Variants in RAPGEF5 observed in about 807,000 individuals in gnomAD.
The protein encoded by RAPGEF5 is M-Ras-regulated GEF.
Under a neutral mutation model 125.2 loss-of-function variants are expected in RAPGEF5, and 65 were observed. That is an observed-to-expected ratio of 0.52 (90% confidence interval 0.43 to 0.64). The LOEUF (loss-of-function observed/expected upper bound fraction) is 0.64, where lower values mean the gene tolerates loss of function less well. RAPGEF5 is among the 30% of genes least tolerant of loss of function. The pLI is 0.00. For missense variants in RAPGEF5, 958 were observed against 1,048.1 expected, an observed-to-expected ratio of 0.91 and a Z score of 1.19; for synonymous variants, 391 against 385.9, an observed-to-expected ratio of 1.01 and a Z score of -0.16.
At chr7:22,305,996 A>G (rs1783329528) in intron 5 of RAPGEF5, among the ~76,000 whole-genome samples, 2 of 152,208 alleles carry the variant, frequency 1.3e-5, no homozygotes, top group African/African-American at 4.8e-5. Flanking sequence ...GCTGTTGTGG[A>G]CAGTGATGCA....
At chr7:22,302,406 G>C (rs780732583) in intron 5 of RAPGEF5, among the ~76,000 whole-genome samples, 1 of 152,154 alleles carries the variant, frequency 6.6e-6, no homozygotes, top group Non-Finnish European at 1.5e-5. Context: ...AATCAGCCAG[G>C]CAGGACCACC....
chr7:22,317,868 C>A, intron 2 of RAPGEF5, 119 bp downstream of exon 2: 1 of 1,331,440 alleles, frequency 7.5e-7, no homozygotes, highest in Non-Finnish European at 1.0e-6. Flanking sequence ...ATCACTGCAG[C>A]ATCCCTGCAA....
At chr7:22,185,103 T>C (rs1361698465) in intron 11 of RAPGEF5, among the ~76,000 whole-genome samples, 1 of 152,216 alleles carries the variant, frequency 6.6e-6, no homozygotes, top group African/African-American at 2.4e-5. Context: ...TGTAGATTTT[T>C]ACTTCAATTA....
intron 7 of RAPGEF5, among the ~76,000 whole-genome samples, chr7:22,242,403 G>A (rs931952945): frequency 6.6e-6 from 1 of 152,194 alleles, no homozygotes; most frequent in Non-Finnish European, 1.5e-5. Flanking sequence ...GCAAAGGTCT[G>A]GATGGAGCAT....
intron 21 of RAPGEF5, among the ~76,000 whole-genome samples, chr7:22,137,405 G>A (rs1053733028): frequency 6.6e-6 from 1 of 152,196 alleles, no homozygotes; most frequent in Non-Finnish European, 1.5e-5. Context: ...GGGCTAAATA[G>A]TGAAGGGCCA....
chr7:22,325,636 G>A lies in RAPGEF5; in HGVS notation c.232-7599C>T, dbSNP rs141372452. Among the ~76,000 whole-genome samples, 61 of 152,270 alleles carry A rather than the reference G, an allele frequency of 4.0e-4. 1 individual carries two copies. In the East Asian group the frequency reaches 0.011, roughly 28 times the overall value. On this transcript the variant is annotated intron_variant, in intron 1 of 25. Coordinates refer to ENST00000665637, the MANE Select transcript of RAPGEF5 (RefSeq NM_012294.5). ...GCTGGAGTGCAGTGGCACAATCATG[G>A]CTCACTGCAGCCTTTATTTCCCAGA...
At chr7:22,238,943 T>C (rs918755469) in intron 7 of RAPGEF5, among the ~76,000 whole-genome samples, 1 of 152,092 alleles carries the variant, frequency 6.6e-6, no homozygotes, top group Non-Finnish European at 1.5e-5. Flanking sequence ...TTAAATAGCC[T>C]AAAATAAATT....
At chr7:22,351,243 G>A (rs77562581) in intron 1 of RAPGEF5, among the ~76,000 whole-genome samples, 19,502 of 151,998 alleles carry the variant, frequency 0.13, 1,417 homozygotes, top group Admixed American at 0.18. Context: ...GTTACCTTTC[G>A]CCTATAACCA....
rs1004917623 is a variant in RAPGEF5, at chr7:22,174,323, T to C, written c.1205-7175A>G. On this transcript the variant is annotated intron_variant, in intron 11 of 25. Coordinates refer to ENST00000665637, the MANE Select transcript of RAPGEF5 (RefSeq NM_012294.5). ...CAACGGATGTGGGTGGGTCTGTGGCTGAGTCACAAACCTGTGGTCTTGTGA... is the reference window on the plus strand; with the variant it reads ...CAACGGATGTGGGTGGGTCTGTGGCCGAGTCACAAACCTGTGGTCTTGTGA... Among the ~76,000 whole-genome samples the C allele has an allele frequency of 2.0e-5, 3 of 152,204 alleles. No individual in the cohort carries two copies. In the South Asian group the frequency reaches 6.2e-4, roughly 31 times the overall value.
chr7:22,226,074 C>T (rs528778966), intron 8 of RAPGEF5, among the ~76,000 whole-genome samples: 56 of 152,250 alleles, frequency 3.7e-4, no homozygotes, highest in African/African-American at 1.3e-3. Context: ...TGTATTAAAA[C>T]ATTCTCTGCA....
At chr7:22,155,978 A>G (rs1783792915) in intron 16 of RAPGEF5, among the ~76,000 whole-genome samples, 1 of 152,172 alleles carries the variant, frequency 6.6e-6, no homozygotes, top group African/African-American at 2.4e-5. Flanking sequence ...AGATAATTTT[A>G]TTTTCTCTTT....
intron 9 of RAPGEF5, among the ~76,000 whole-genome samples, chr7:22,214,501 C>T (rs762415134): frequency 4.6e-5 from 7 of 152,098 alleles, no homozygotes; most frequent in African/African-American, 9.7e-5. Context: ...AACTACATTT[C>T]GGGAAAATAC....
intron 9 of RAPGEF5, 139 bp downstream of exon 9, chr7:22,219,727 A>C (rs957817126): frequency 8.5e-7 from 1 of 1,177,578 alleles, no homozygotes; most frequent in African/African-American, 1.5e-5. Context: ...ATTTTTACTA[A>C]GGAGGATGCT....
At chr7:22,145,245 C>T (rs1783397029) in intron 19 of RAPGEF5, 23 bp from the exon 20 acceptor site, 2 of 1,590,076 alleles carry the variant, frequency 1.3e-6, no homozygotes, top group Non-Finnish European at 1.7e-6. Flanking sequence ...GTATTCATGC[C>T]AGGGTTTATT....
chr7:22,333,161 A>G (rs1783954699), intron 1 of RAPGEF5, among the ~76,000 whole-genome samples: 1 of 152,182 alleles, frequency 6.6e-6, no homozygotes, highest in Admixed American at 6.5e-5. Context: ...TCACGAAAAA[A>G]ACTTTTTAAA....
At chr7:22,319,199 T>C (rs1783664768) in intron 1 of RAPGEF5, among the ~76,000 whole-genome samples, 1 of 152,168 alleles carries the variant, frequency 6.6e-6, no homozygotes, top group African/African-American at 2.4e-5. Flanking sequence ...TTCCAACCTA[T>C]GTTTAAAGGC....
intron 2 of RAPGEF5, among the ~76,000 whole-genome samples, chr7:22,317,475 C>T (rs1403473016): frequency 6.6e-6 from 1 of 151,874 alleles, no homozygotes; most frequent in Non-Finnish European, 1.5e-5. Flanking sequence ...CTCCTGACCT[C>T]GTGATCTGCC....
At chr7:22,286,141 G>A (rs1417813100) in intron 6 of RAPGEF5, among the ~76,000 whole-genome samples, 1 of 152,138 alleles carries the variant, frequency 6.6e-6, no homozygotes, top group Non-Finnish European at 1.5e-5. Flanking sequence ...GTCTGACTAC[G>A]GATCAGAAGA....
intron 5 of RAPGEF5, among the ~76,000 whole-genome samples, chr7:22,294,822 A>G (rs1018445223): frequency 2.6e-5 from 4 of 152,218 alleles, no homozygotes; most frequent in Admixed American, 6.5e-5. Flanking sequence ...CTAAAATGTA[A>G]GTTAGTTCAT....
Sources: allele counts gnomAD v4.1 joint callset (sites outside exome capture counted in the v4.1 genomes callset), GRCh38; gene constraint gnomAD v4.1.1; transcripts MANE v1.5; gene names NCBI Gene and HGNC (gene_info 2026-07-23, HGNC 2026-07-21).